SLC15A2: variants seen among roughly 807,000 people sequenced by gnomAD.
SLC15A2 encodes kidney H(+)/peptide cotransporter.
Under a neutral mutation model 95.5 loss-of-function variants are expected in SLC15A2, and 77 were observed. That is an observed-to-expected ratio of 0.81 (90% CI 0.67 to 0.97). The LOEUF is 0.97. Ranked by LOEUF, SLC15A2 falls within the 50% of genes least tolerant of loss-of-function variation. The probability of loss-of-function intolerance (pLI) is 0.00; values close to 1 mark genes in which losing one functional copy is unlikely to be tolerated. For missense variants in SLC15A2, 893 were observed against 874.4 expected (o/e 1.02, Z -0.27); for synonymous variants, 306 against 306.9 (o/e 1.00, Z 0.03).
chr3:121,935,983 T>G (rs1158841009), intron 19 of SLC15A2, among the ~76,000 whole-genome samples: 1 of 152,212 alleles, frequency 6.6e-6, no homozygotes, highest in Non-Finnish European at 1.5e-5. Flanking sequence ...CTCGTTGGTT[T>G]CAAAGAACAT....
chr3:121,933,211 G>A (rs1451131181), intron 19 of SLC15A2, among the ~76,000 whole-genome samples: 20 of 148,496 alleles, frequency 1.3e-4, no homozygotes, highest in East Asian at 4.0e-4. Flanking sequence ...GAATAATGCC[G>A]CAATAAACAT....
intron 3 of SLC15A2, 134 bp from the exon 4 acceptor site, chr3:121,911,440 C>T: frequency 3.2e-6 from 2 of 620,654 alleles, no homozygotes; most frequent in East Asian, 5.4e-5. Context: ...TTGGATTTCT[C>T]AGATAATTCT....
At chr3:121,897,274 T>C in intron 2 of SLC15A2, 114 bp from the exon 3 acceptor site, 1 of 1,335,946 alleles carries the variant, frequency 7.5e-7, no homozygotes, top group Non-Finnish European at 1.0e-6. Flanking sequence ...ATAGGAGTGC[T>C]GAAGGCCAAA....
In SLC15A2 at chr3:121,913,248, A is replaced by G. The variant is rs1267793670; in HGVS notation, c.528+128A>G. On this transcript the variant is annotated intron_variant, in intron 5 of 21. Coordinates refer to ENST00000489711, the MANE Select transcript of SLC15A2 (RefSeq NM_021082.4). The stretch of plus-strand genomic sequence containing the variant: ...GATCTTATCTGAGCAGTTGTATTCA[A>G]TGCTGGATACTGGCCATTAATAGTG... 7 of 660,456 alleles carry G rather than the reference A, an allele frequency of 1.1e-5. No homozygotes were observed. In the South Asian group the frequency reaches 1.3e-4, roughly 12 times the overall value. 40.9% of individuals were successfully genotyped at this position (660,456 alleles called of 1,614,324 possible).
At chr3:121,899,497 A>G (rs1035875237) in intron 3 of SLC15A2, among the ~76,000 whole-genome samples, 2 of 151,966 alleles carry the variant, frequency 1.3e-5, no homozygotes, top group Non-Finnish European at 2.9e-5. Flanking sequence ...ACTCATCTTG[A>G]CTCTCTTTTC....
chr3:121,926,762 C>T (rs1710129922), intron 13 of SLC15A2, among the ~76,000 whole-genome samples: 1 of 152,220 alleles, frequency 6.6e-6, no homozygotes, highest in East Asian at 1.9e-4. Flanking sequence ...GCAGCTTGCA[C>T]CCTGGGCCTG....
intron 5 of SLC15A2, 151 bp from the exon 6 acceptor site, chr3:121,915,076 T>C (rs182137978): frequency 8.6e-7 from 1 of 1,164,288 alleles, no homozygotes; most frequent in Non-Finnish European, 1.2e-6. Context: ...GCAATGTTTT[T>C]AAATATCTAT....
chr3:121,909,039 T>A (rs9289181), intron 3 of SLC15A2, among the ~76,000 whole-genome samples: 2 of 151,762 alleles, frequency 1.3e-5, no homozygotes, highest in Admixed American at 6.6e-5. Context: ...TTCATTTATT[T>A]ATTTTTATTT....
At chr3:121,907,811 C>T (rs753681835) in intron 3 of SLC15A2, among the ~76,000 whole-genome samples, 7 of 152,198 alleles carry the variant, frequency 4.6e-5, no homozygotes, top group African/African-American at 7.2e-5. Flanking sequence ...AGGTGTCTCC[C>T]GGTTAGGCTA....
At chr3:121,922,739 C>T in intron 8 of SLC15A2, 36 bp from the exon 9 acceptor site, 2 of 1,510,582 alleles carry the variant, frequency 1.3e-6, no homozygotes, top group Non-Finnish European at 1.8e-6. Flanking sequence ...ATGTTTTTCT[C>T]TTTGTCTCTC....
At chr3:121,904,354 C>T (rs911819534) in intron 3 of SLC15A2, among the ~76,000 whole-genome samples, 20 of 152,256 alleles carry the variant, frequency 1.3e-4, no homozygotes, top group Middle Eastern at 3.4e-3. Flanking sequence ...CCTTCTCCTG[C>T]CTAATTGCCC....
chr3:121,934,974 G>GCGTT (rs201508193), intron 19 of SLC15A2, among the ~76,000 whole-genome samples: 31,150 of 151,714 alleles, frequency 0.21, 4,091 homozygotes, highest in Admixed American at 0.36. Context: ...TTAGCATGAA[G>GCGTT]CGTTGTTGAA....
chr3:121,915,592 C>T (rs755674717), intron 6 of SLC15A2, 24 bp from the exon 7 acceptor site: 10 of 1,568,318 alleles, frequency 6.4e-6, no homozygotes, highest in South Asian at 4.4e-5. Flanking sequence ...AGTTACTTTC[C>T]TCCTCCCATC....
intron 19 of SLC15A2, among the ~76,000 whole-genome samples, chr3:121,935,441 A>G (rs898163695): frequency 6.6e-6 from 1 of 152,148 alleles, no homozygotes; most frequent in Admixed American, 6.5e-5. Context: ...ACAATTTCAC[A>G]TCCTGTTATT....
intron 3 of SLC15A2, among the ~76,000 whole-genome samples, chr3:121,906,245 T>C (rs2107576697): frequency 6.6e-6 from 1 of 152,362 alleles, no homozygotes; most frequent in Non-Finnish European, 1.5e-5. Flanking sequence ...TTTGAGCCTA[T>C]GTGTGTCTCT....
In SLC15A2 at chr3:121,928,548, C is replaced by T. The variant is rs778218115; in HGVS notation, c.1334C>T (p.Ser445Phe). ...TCTCTGTTGATAGAGTCCATCAAAT[C>T]CTTTCAGGTGAGGTGTGTACCTGAA... ...NNSLLIESIKSFQKTPHYSKL... is the reference protein window; with the variant it reads ...NNSLLIESIKFFQKTPHYSKL... The change falls in exon 15 of 22, where the codon TCC (serine) becomes TTC (phenylalanine). Residue 445 changes from serine (S) to phenylalanine (F), a missense_variant. Coordinates refer to ENST00000489711, the MANE Select transcript of SLC15A2 (RefSeq NM_021082.4). 12 of 1,613,886 alleles carry T rather than the reference C, an allele frequency of 7.4e-6. No homozygotes were observed. The highest frequency in any genetic ancestry group is 1.7e-6 in the Non-Finnish European group (2 of 1,179,844).
intron 3 of SLC15A2, among the ~76,000 whole-genome samples, chr3:121,900,871 A>T (rs1279024795): frequency 6.6e-6 from 1 of 151,562 alleles, no homozygotes; most frequent in African/African-American, 2.4e-5. Context: ...TATTATAGTT[A>T]TTTAATTATT....
intron 3 of SLC15A2, among the ~76,000 whole-genome samples, chr3:121,900,588 C>T (rs987431235): frequency 2.0e-5 from 3 of 152,178 alleles, no homozygotes; most frequent in African/African-American, 4.8e-5. Context: ...TATCTCCTTT[C>T]GAGAATGGCC....
intron 15 of SLC15A2, 74 bp from the exon 16 acceptor site, chr3:121,928,908 A>G: frequency 6.6e-7 from 1 of 1,510,938 alleles, no homozygotes; most frequent in Non-Finnish European, 9.0e-7. Context: ...ACCTACCCTG[A>G]GATGCTACAT....
Sources: allele counts gnomAD v4.1 joint callset (sites outside exome capture counted in the v4.1 genomes callset), GRCh38; gene constraint gnomAD v4.1.1; transcripts MANE v1.5; gene names NCBI Gene and HGNC (gene_info 2026-07-23, HGNC 2026-07-21).